The following EGR2 variants were observed in gnomAD, a reference collection of about 807,000 sequenced individuals.
EGR2 encodes the protein early growth response 2.
Under a neutral mutation model 21.2 loss-of-function variants are expected in EGR2, and 2 were observed. The ratio of observed to expected loss-of-function variants is 0.09; its 90% CI spans 0.04 to 0.30. The LOEUF (loss-of-function observed/expected upper bound fraction) is 0.30, where lower values mean the gene tolerates loss of function less well. EGR2 is among the 10% of genes least tolerant of loss of function. EGR2 has a pLI of 1.00. For missense variants in EGR2, 458 were observed against 630.2 expected (o/e 0.73, Z 2.93); for synonymous variants, 282 against 258.2 (o/e 1.09, Z -0.88).
chr10:62,814,050 G>C lies in EGR2; in HGVS notation c.588C>G (p.Thr196=). Residue 196 remains threonine (T), a synonymous_variant, in exon 2 of 2, where the codon ACC becomes ACG. Coordinates refer to ENST00000242480, the MANE Select transcript of EGR2 (RefSeq NM_000399.5). This position sits in a 1 kb window ranked among gnomAD's most constrained non-coding sequence, Gnocchi z 4.8. ...SAFLSAATTS[T]SSSLAYPPPP... is the part of the protein sequence containing the mutation. ...GTGGTGGGTAGGCCAGAGAGGAAGA[G>C]GTGGAGGTGGTGGCTGCTGACAGGA... 1 of 1,614,164 alleles carries C rather than the reference G, an allele frequency of 6.2e-7. No homozygotes were observed. Among genetic ancestry groups the C allele is most frequent in the Non-Finnish European group, 8.5e-7 (1 of 1,180,020 alleles).
In EGR2 at chr10:62,812,481, G is replaced by T. The variant is rs1842134831; in HGVS notation, c.*726C>A. ...CCAAAGATTCAGAATTTAGAGAACA[G>T]TGTACATCAAAAATACACAAAATCT... is the stretch of plus-strand genomic sequence containing the variant. On this transcript the variant is annotated 3_prime_UTR_variant, in exon 2 of 2. Coordinates refer to ENST00000242480, the MANE Select transcript of EGR2 (RefSeq NM_000399.5). The T allele has an allele frequency of 6.5e-6, 1 of 152,738 alleles. No individual in the cohort carries two copies. Among genetic ancestry groups the T allele is most frequent in the Non-Finnish European group, 1.5e-5 (1 of 68,036 alleles). The allele number at this position is 152,738 out of a possible 1,614,324, so 9.5% of individuals were successfully genotyped here.
upstream of EGR2, among the ~76,000 whole-genome samples, chr10:62,816,592 T>G (rs532915827): frequency 1.6e-3 from 251 of 152,252 alleles, no homozygotes; most frequent in African/African-American, 5.6e-3. Context: ...AGCTGCAGCC[T>G]GGGTCCGGGG....
At chr10:62,817,035 G>T (rs1842286979), upstream of EGR2, among the ~76,000 whole-genome samples, 1 of 152,190 alleles carries the variant, frequency 6.6e-6, no homozygotes, top group African/African-American at 2.4e-5. The surrounding 1 kb of genome is among the most constrained non-coding windows in gnomAD (Gnocchi z 4.4). Context: ...GAGCGAAAAC[G>T]GAACAGGTTT....
In EGR2 at chr10:62,815,940, G is replaced by A; in HGVS notation, c.90C>T (p.Asp30=). Reference sequence around the variant, plus strand: ...AGATGGTCACCGACGTGGCGGCGAGGTCCTCCACCGGGTAGATGTTGTCAG... The same window carrying A: ...AGATGGTCACCGACGTGGCGGCGAGATCCTCCACCGGGTAGATGTTGTCAG... ...QLSDNIYPVE[D]LAATSVTIFP... The change falls in exon 1 of 2, where the codon GAC becomes GAT. Residue 30 remains aspartate (D), a synonymous_variant. Coordinates refer to ENST00000242480, the MANE Select transcript of EGR2 (RefSeq NM_000399.5). 2 of 1,614,184 alleles carry A rather than the reference G, an allele frequency of 1.2e-6. No homozygotes were observed. Among genetic ancestry groups the A allele is most frequent in the South Asian group, 1.1e-5 (1 of 91,086 alleles).
Position 62,814,063 on chromosome 10 carries a change from G to A in EGR2, c.575C>T (p.Ala192Val). ...YQDPSAFLSA[A>V]TTSTSSSLAY... ...CAGAGAGGAAGAGGTGGAGGTGGTG[G>A]CTGCTGACAGGAACGCAGAAGGGTC... Residue 192 changes from alanine to valine, a missense_variant, in exon 2 of 2, where the codon GCC becomes GTC. Transcript: ENST00000242480. This position sits in a 1 kb window ranked among gnomAD's most constrained non-coding sequence, Gnocchi z 4.8. 6.2e-7 allele frequency: 1 copy of A among 1,614,102 alleles called. No homozygotes were observed.
At chr10:62,815,242 G>A (rs1344460477) in intron 1 of EGR2, among the ~76,000 whole-genome samples, 5 of 152,238 alleles carry the variant, frequency 3.3e-5, no homozygotes, top group Non-Finnish European at 4.4e-5. Flanking sequence ...GGCAGTCCGG[G>A]GGCTGCTTCC....
At chr10:62,816,484 G>C (rs114656728), upstream of EGR2, 1,620 of 632,218 alleles carry the variant, frequency 2.6e-3, 17 homozygotes, top group African/African-American at 0.029. Context: ...TCACATGGCT[G>C]ATTTGCATAC....
rs1195680591 is a variant in EGR2 at position 62,814,125 on chromosome 10, A to C, written c.513T>G (p.Pro171=). ...LDHLYSPPPP[P]PPYSGCAGDL... is the part of the protein sequence containing the mutation. ...CTCCTGCACAGCCAGAATAAGGAGGAGGAGGCGGTGGCGGAGAGTACAGGT... is the reference window on the plus strand; with the variant it reads ...CTCCTGCACAGCCAGAATAAGGAGGCGGAGGCGGTGGCGGAGAGTACAGGT... Residue 171 remains proline, a synonymous_variant, in exon 2 of 2, where the codon CCT becomes CCG. Coordinates refer to ENST00000242480, the MANE Select transcript of EGR2 (RefSeq NM_000399.5). This position sits in a 1 kb window ranked among gnomAD's most constrained non-coding sequence, Gnocchi z 4.8. The C allele has an allele frequency of 6.2e-7, 1 of 1,613,728 alleles. No individual in the cohort carries two copies. The highest frequency in any genetic ancestry group is 1.7e-5 in the Admixed American group (1 of 60,008).
At position 62,816,102 on chromosome 10, in the gene EGR2, G is replaced by A; in HGVS notation, c.-73C>T. On this transcript the variant is annotated 5_prime_UTR_variant, in exon 1 of 2. Transcript: ENST00000242480. ...GTCAGAAAAGCCGTTTTGGAGAGGG[G>A]TTGGACTGAGCCTGGGATGGTATCT... The A allele has an allele frequency of 1.9e-6, 3 of 1,613,020 alleles. No homozygotes were observed. The highest frequency in any genetic ancestry group is 1.3e-5 in the African/African-American group (1 of 75,018).
chr10:62,814,574 C>G lies in EGR2; in HGVS notation c.170-106G>C. 8.9e-7 allele frequency: 1 copy of G among 1,129,344 alleles called. No individual in the cohort carries two copies. Among genetic ancestry groups the G allele is most frequent in the Non-Finnish European group, 1.3e-6 (1 of 756,846 alleles). The allele number at this position is 1,129,344 out of a possible 1,614,324, so 70.0% of individuals were successfully genotyped here. On this transcript the variant is annotated intron_variant, in intron 1 of 1. Transcript: ENST00000242480. This position sits in a 1 kb window ranked among gnomAD's most constrained non-coding sequence, Gnocchi z 4.8. ...CCATTTCCAAGGCCGAGAGTCTCAG[C>G]ACTGTAGAGCTGTGGCAAAGTCCAA...
upstream of EGR2, chr10:62,818,519 G>C: frequency 8.4e-7 from 1 of 1,191,402 alleles, no homozygotes; most frequent in Non-Finnish European, 1.1e-6. Flanking sequence ...AGAAAAGCAA[G>C]AAAAGATAGC....
rs1842220418 is a variant in EGR2, at chr10:62,814,878, AATCG to A, written c.170-414_170-411del. Among the ~76,000 whole-genome samples the A allele has an allele frequency of 6.6e-6, 1 of 152,068 alleles. No individual in the cohort carries two copies. Among genetic ancestry groups the A allele is most frequent in the African/African-American group, 2.4e-5 (1 of 41,406 alleles). On this transcript the variant is annotated intron_variant, in intron 1 of 1. Coordinates refer to ENST00000242480, the MANE Select transcript of EGR2 (RefSeq NM_000399.5). This position sits in a 1 kb window ranked among gnomAD's most constrained non-coding sequence, Gnocchi z 4.8. ...GGCACCAAGACAAACACCACCCAAG[AATCG>A]ACCTATCCCAGTCAGTGCCGTGATG...
Position 62,813,969 on chromosome 10 carries a change from G to T in EGR2, c.669C>A (p.Ile223=), listed in dbSNP as rs766860417. 9.9e-6 allele frequency: 16 copies of T among 1,614,222 alleles called. No individual in the cohort carries two copies. The highest frequency in any genetic ancestry group is 3.3e-4 in the Middle Eastern group (2 of 6,062). Residue 223 remains isoleucine, a synonymous_variant, in exon 2 of 2, where the codon ATC becomes ATA. Transcript: ENST00000242480. This position sits in a 1 kb window ranked among gnomAD's most constrained non-coding sequence, Gnocchi z 5.7. ...PATDPGLFPM[I]PDYPGFFPSQ... The stretch of plus-strand genomic sequence containing the variant: ...ATGGAAAGAATCCAGGATAGTCTGG[G>T]ATCATTGGGAAGAGACCTGGGTCCG...
rs2132707494 is a variant in EGR2 at position 62,814,421 on chromosome 10, G to T, written c.217C>A (p.Leu73Ile). 6.2e-7 allele frequency: 1 copy of T among 1,614,162 alleles called. No individual in the cohort carries two copies. The highest frequency in any genetic ancestry group is 8.5e-7 in the Non-Finnish European group (1 of 1,180,022). ...GGAGCAAAGCTGCTGGGATATGGGAGATCCAACGACCTCTTCTCTCCAGTC... is the reference window on the plus strand; with the variant it reads ...GGAGCAAAGCTGCTGGGATATGGGATATCCAACGACCTCTTCTCTCCAGTC... ...DMTGEKRSLD[L>I]PYPSSFAPVS... Residue 73 changes from leucine to isoleucine, a missense_variant, in exon 2 of 2, where the codon CTC becomes ATC. By Grantham distance (5) the Leu-to-Ile change is conservative. Transcript: ENST00000242480. The surrounding 1 kb of genome is among the most constrained non-coding windows in gnomAD (Gnocchi z 4.8).
In EGR2 at chr10:62,813,715, G is replaced by A; in HGVS notation, c.923C>T (p.Ala308Val). The change falls in exon 2 of 2, where the codon GCC becomes GTC. Residue 308 changes from alanine (A) to valine (V), a missense_variant. Ala to Val is a moderately conservative substitution (Grantham distance 64, BLOSUM62 0). Around this residue, in one of 5 missense-constraint regions of EGR2, gnomAD observed 253 missense variants for 315.5 expected, o/e 0.80. Coordinates refer to ENST00000242480, the MANE Select transcript of EGR2 (RefSeq NM_000399.5). This position sits in a 1 kb window ranked among gnomAD's most constrained non-coding sequence, Gnocchi z 5.7. ...SSAAAAAAAA[A>V]AYNPHHLPLR... ...TGGCAGGTGGTGTGGGTTATAGGCG[G>A]CGGCGGCGGCGGCTGCTGCTGCTGC... 6.2e-7 allele frequency: 1 copy of A among 1,610,968 alleles called. No individual in the cohort carries two copies. Among genetic ancestry groups the A allele is most frequent in the Non-Finnish European group, 8.5e-7 (1 of 1,179,418 alleles).
chr10:62,816,177 A>C lies in EGR2; in HGVS notation c.-148T>G, dbSNP rs1842264134. 1.9e-6 allele frequency: 3 copies of C among 1,540,018 alleles called. No homozygotes were observed. Among genetic ancestry groups the C allele is most frequent in the Non-Finnish European group, 2.6e-6 (3 of 1,146,982 alleles). On this transcript the variant is annotated 5_prime_UTR_variant, in exon 1 of 2. Coordinates refer to ENST00000242480, the MANE Select transcript of EGR2 (RefSeq NM_000399.5). Reference sequence around the variant, plus strand: ...CAACCACCACACACACCAAGAAAAAAAAATCAACAGAAATAAAAGTAGCAA... The same window carrying C: ...CAACCACCACACACACCAAGAAAAACAAATCAACAGAAATAAAAGTAGCAA...
upstream of EGR2, chr10:62,818,631 G>A: frequency 2.4e-6 from 3 of 1,267,364 alleles, no homozygotes; most frequent in South Asian, 3.8e-5. Flanking sequence ...AAGGGAGTCC[G>A]ACTCGCATCT....
At chr10:62,818,097 GGGGC>G (rs1314385623), upstream of EGR2, among the ~76,000 whole-genome samples, 2 of 152,230 alleles carry the variant, frequency 1.3e-5, no homozygotes, top group Non-Finnish European at 2.9e-5. Context: ...AGTGTGGGCC[GGGGC>G]GGGCGGGAGC....
chr10:62,815,874 G>C lies in EGR2; in HGVS notation c.156C>G (p.Asn52Lys). The C allele has an allele frequency of 6.2e-7, 1 of 1,614,066 alleles. No homozygotes were observed. The highest frequency in any genetic ancestry group is 8.5e-7 in the Non-Finnish European group (1 of 1,179,926). The change falls in exon 1 of 2, where the codon AAC (asparagine) becomes AAG (lysine). Residue 52 changes from asparagine (N) to lysine (K), a missense_variant. Around this residue, in one of 5 missense-constraint regions of EGR2, gnomAD observed 91 missense variants for 105.2 expected, o/e 0.87. Coordinates refer to ENST00000242480, the MANE Select transcript of EGR2 (RefSeq NM_000399.5). ...AELGGPFDQM[N>K]GVAGDGMINI... ...CACGCGGCTTACCTCCGGCCACTCC[G>C]TTCATCTGGTCAAAGGGGCCTCCCA...
Sources: allele counts gnomAD v4.1 joint callset (sites outside exome capture counted in the v4.1 genomes callset), GRCh38; gene constraint gnomAD v4.1.1; regional missense constraint gnomAD v4.1.1; non-coding constraint Gnocchi (gnomAD v3.1); transcripts MANE v1.5; gene names NCBI Gene and HGNC (gene_info 2026-07-23, HGNC 2026-07-21).